Variants in DNAH11 observed in about 807,000 individuals in gnomAD.
The protein encoded by DNAH11 is axonemal beta dynein heavy chain 11.
DNAH11 carries 442 observed loss-of-function variants against 526.0 expected under a neutral mutation model. The observed-to-expected ratio is 0.84, with a 90% CI of 0.78 to 0.91. The LOEUF (loss-of-function observed/expected upper bound fraction) is 0.91. Ranked by LOEUF, DNAH11 falls within the 40% of genes least tolerant of loss-of-function variation. The probability of loss-of-function intolerance (pLI) is 0.00; values close to 1 mark genes in which losing one functional copy is unlikely to be tolerated. For synonymous variants in DNAH11, 2,461 were observed against 1,935.9 expected, an observed-to-expected ratio of 1.27 and a Z score of -7.12; for missense variants, 6,989 against 5,448.7, an observed-to-expected ratio of 1.28 and a Z score of -8.90.
intron 30 of DNAH11, among the ~76,000 whole-genome samples, chr7:21,677,091 A>C (rs1157725791): frequency 2.0e-5 from 3 of 152,194 alleles, no homozygotes; most frequent in Non-Finnish European, 4.4e-5. Context: ...ATAAAACAAT[A>C]ATCACATCTG....
rs141572076 is a variant in DNAH11, at chr7:21,625,717, A to G, written c.4500+5639A>G. Among the ~76,000 whole-genome samples, 539 of 152,106 alleles carry G rather than the reference A, an allele frequency of 3.5e-3. 1 individual carries two copies. Among genetic ancestry groups the G allele is most frequent in the Non-Finnish European group, 5.2e-3 (351 of 67,962 alleles). On this transcript the variant is annotated intron_variant, in intron 25 of 81. Transcript: ENST00000409508. ...TGTGTTTCTGTTTTCATTTGTCTCA[A>G]TATATTTTAAAATTTCTCTTTTAGT...
chr7:21,725,013 G>T (rs73065693), intron 44 of DNAH11, among the ~76,000 whole-genome samples: 5,905 of 42,108 alleles, frequency 0.14, 162 homozygotes, highest in South Asian at 0.18. Flanking sequence ...ATATAGAAGG[G>T]TTTTTCTAGT....
At chr7:21,784,203 AT>A (rs1788075866) in intron 57 of DNAH11, among the ~76,000 whole-genome samples, 1 of 152,218 alleles carries the variant, frequency 6.6e-6, no homozygotes, top group Non-Finnish European at 1.5e-5. Context: ...TGGAACTTGA[AT>A]CCATTTATGT....
chr7:21,576,046 C>A (rs1280893774), intron 8 of DNAH11, among the ~76,000 whole-genome samples: 1 of 152,168 alleles, frequency 6.6e-6, no homozygotes, highest in Non-Finnish European at 1.5e-5. Context: ...GTAAGTGCAA[C>A]TAAAACACTG....
At position 21,671,099 on chromosome 7, in the gene DNAH11, C is replaced by G. The variant is rs117068872; in HGVS notation, c.5329-10447C>G. On this transcript the variant is annotated intron_variant, in intron 30 of 81. Transcript: ENST00000409508. ...ATGTTAGACATCACTGGTGATGCAT[C>G]TGGGCTTGAAGTTTTCTTTATAGAA... Among the ~76,000 whole-genome samples the G allele has an allele frequency of 8.1e-3, 1,235 of 152,256 alleles. 45 individuals carry two copies. The South Asian group carries it at 0.088, about 11-fold the overall frequency.
intron 76 of DNAH11, among the ~76,000 whole-genome samples, chr7:21,888,433 T>C (rs1040306048): frequency 6.6e-6 from 1 of 152,140 alleles, no homozygotes; most frequent in Admixed American, 6.5e-5. Flanking sequence ...TGGATGCTGG[T>C]TCTCCAGTTT....
chr7:21,679,091 C>A (rs892048183), intron 30 of DNAH11, among the ~76,000 whole-genome samples: 1 of 151,990 alleles, frequency 6.6e-6, no homozygotes, highest in Non-Finnish European at 1.5e-5. Flanking sequence ...CCATTTGTGA[C>A]AACCTGGATG....
chr7:21,677,206 T>C (rs981744947), intron 30 of DNAH11, among the ~76,000 whole-genome samples: 1 of 150,340 alleles, frequency 6.7e-6, no homozygotes, highest in African/African-American at 2.5e-5. Context: ...ATACTGCCTT[T>C]TTTTTTTTTT....
intron 30 of DNAH11, among the ~76,000 whole-genome samples, chr7:21,677,829 A>T (rs1479597934): frequency 6.6e-6 from 1 of 152,156 alleles, no homozygotes; most frequent in Non-Finnish European, 1.5e-5. Context: ...ATGATTAGTG[A>T]TTTTGAGCAT....
At position 21,872,142 on chromosome 7, in the gene DNAH11, A is replaced by AACAAACAAACAAAC. The variant is rs1193285406; in HGVS notation, c.11968-1131_11968-1130insCAAACAAACAAACA. Among the ~76,000 whole-genome samples, 12 of 147,694 alleles carry AACAAACAAACAAAC rather than the reference A, an allele frequency of 8.1e-5. 1 individual carries two copies. The highest frequency in any genetic ancestry group is 2.2e-4 in the African/African-American group (9 of 40,774). ...CTGTCTCAAAAAAAAAAAAAAAAAA[A>AACAAACAAACAAAC]AAAAAAACCTTCATAATGACCACAT... On this transcript the variant is annotated intron_variant, in intron 73 of 81. Coordinates refer to ENST00000409508, the MANE Select transcript of DNAH11 (RefSeq NM_001277115.2).
Position 21,784,554 on chromosome 7 carries a change from A to G in DNAH11, c.9597+14A>G. On this transcript the variant is annotated intron_variant, in intron 58 of 81. Transcript: ENST00000409508. Reference sequence around the variant, plus strand: ...ACACTCAACAGGGTAAAGATAATTTATTGGTCCCTGAGTTTCCTCAAAGTA... The same window carrying G: ...ACACTCAACAGGGTAAAGATAATTTGTTGGTCCCTGAGTTTCCTCAAAGTA... 1 of 1,566,414 alleles carries G rather than the reference A, an allele frequency of 6.4e-7. No individual in the cohort carries two copies. Among genetic ancestry groups the G allele is most frequent in the Non-Finnish European group, 8.7e-7 (1 of 1,150,724 alleles).
intron 46 of DNAH11, 143 bp from the exon 47 acceptor site, chr7:21,738,558 C>CGGG: frequency 2.7e-6 from 2 of 740,878 alleles, no homozygotes; most frequent in Non-Finnish European, 4.2e-6. Context: ...AGACACATCC[C>CGGG]GGGTCTCTTA....
rs141951506 is a variant in DNAH11 at position 21,900,988 on chromosome 7, C to A, written c.13304-19C>A. On this transcript the variant is annotated intron_variant, in intron 81 of 81. Coordinates refer to ENST00000409508, the MANE Select transcript of DNAH11 (RefSeq NM_001277115.2). Reference sequence around the variant, plus strand: ...TAGCAAGCTGCCACACAATTGCAACCGCTGTGTTTTTGCCATAGGCGCCCG... The same window carrying A: ...TAGCAAGCTGCCACACAATTGCAACAGCTGTGTTTTTGCCATAGGCGCCCG... 5.8e-6 allele frequency: 9 copies of A among 1,558,252 alleles called. No homozygotes were observed. In the East Asian group the frequency reaches 6.8e-5, roughly 12 times the overall value.
Position 21,635,952 on chromosome 7 carries a change from A to G in DNAH11, c.4582A>G (p.Ile1528Val), listed in dbSNP as rs1281559792. The G allele has an allele frequency of 2.5e-6, 4 of 1,613,442 alleles. No individual in the cohort carries two copies. Among genetic ancestry groups the G allele is most frequent in the Admixed American group, 3.3e-5 (2 of 59,962 alleles). ...GTTAAGCTGGCAAAATAAATTAAACATAGCAGACTTGGTCATCTTCACTTG... is the reference window on the plus strand; with the variant it reads ...GTTAAGCTGGCAAAATAAATTAAACGTAGCAGACTTGGTCATCTTCACTTG... ...QVLSWQNKLN[I>V]ADLVIFTWME... The change falls in exon 26 of 82, where the codon ATA becomes GTA. Residue 1528 changes from isoleucine (I) to valine (V), a missense_variant. Physicochemically the swap from Ile to Val is conservative, Grantham distance 29. Transcript: ENST00000409508.
At chr7:21,678,029 A>G (rs1583586366) in intron 30 of DNAH11, among the ~76,000 whole-genome samples, 1 of 151,654 alleles carries the variant, frequency 6.6e-6, no homozygotes. Flanking sequence ...CTACCTTTTT[A>G]TTTTGTTGAT....
chr7:21,811,994 C>T (rs912709124), intron 63 of DNAH11, among the ~76,000 whole-genome samples: 5 of 152,088 alleles, frequency 3.3e-5, no homozygotes, highest in Admixed American at 1.3e-4. Context: ...ATGTGCATAT[C>T]GGAAGCCAGG....
At chr7:21,790,796 AG>A (rs534572433) in intron 61 of DNAH11, among the ~76,000 whole-genome samples, 6 of 152,340 alleles carry the variant, frequency 3.9e-5, no homozygotes, top group African/African-American at 1.4e-4. Flanking sequence ...GGCGAGTATG[AG>A]GGAATCATGA....
At chr7:21,842,860 C>T (rs986555557) in intron 66 of DNAH11, 112 bp downstream of exon 66, 2 of 923,638 alleles carry the variant, frequency 2.2e-6, no homozygotes, top group African/African-American at 1.7e-5. Flanking sequence ...ATCCTGCAAC[C>T]TAATTGGGAA....
intron 28 of DNAH11, among the ~76,000 whole-genome samples, chr7:21,647,539 C>G (rs1787415159): frequency 6.6e-6 from 1 of 150,816 alleles, no homozygotes; most frequent in Non-Finnish European, 1.5e-5. Context: ...ACGCCATTCT[C>G]CTGCCTCAGC....
Sources: allele counts gnomAD v4.1 joint callset (sites outside exome capture counted in the v4.1 genomes callset), GRCh38; gene constraint gnomAD v4.1.1; transcripts MANE v1.5; gene names NCBI Gene and HGNC (gene_info 2026-07-23, HGNC 2026-07-21).